Variants in LSM12 observed in about 807,000 individuals in gnomAD.
LSM12 encodes LSM12 homolog, also known as protein LSM12.
For synonymous variants in LSM12, 74 were observed against 87.3 expected, an observed-to-expected ratio of 0.85 and a Z score of 0.85; for missense variants, 108 against 238.9, an observed-to-expected ratio of 0.45 and a Z score of 3.61.
At chr17:44,064,018 C>T (rs2049834877) in intron 1 of LSM12, 84 bp from the exon 2 acceptor site, 1 of 1,489,362 alleles carries the variant, frequency 6.7e-7, no homozygotes, top group Non-Finnish European at 9.1e-7. Context: ...AAACACGATT[C>T]ACACAAGGCT....
chr17:44,061,209 C>G (rs1191236220), intron 2 of LSM12, among the ~76,000 whole-genome samples: 1 of 151,076 alleles, frequency 6.6e-6, no homozygotes, highest in African/African-American at 2.4e-5. Flanking sequence ...CCCAGCTACT[C>G]AGGAGGCTGA....
At chr17:44,044,920 A>G (rs2049541300) in intron 2 of LSM12, among the ~76,000 whole-genome samples, 3 of 152,236 alleles carry the variant, frequency 2.0e-5, no homozygotes, top group Admixed American at 1.3e-4. Flanking sequence ...TAGTAAGTTT[A>G]TGGTTTTTGC....
At chr17:44,041,884 G>A (rs747221074) in intron 2 of LSM12, among the ~76,000 whole-genome samples, 8 of 152,208 alleles carry the variant, frequency 5.3e-5, no homozygotes, top group Non-Finnish European at 8.8e-5. Flanking sequence ...ATAATCTGGA[G>A]ACTCTTCAGA....
intron 4 of LSM12, 183 bp downstream of exon 4, chr17:44,037,229 C>A: frequency 3.5e-6 from 2 of 579,478 alleles, no homozygotes; most frequent in Non-Finnish European, 5.5e-6. Context: ...TCCACACCAC[C>A]CAGTGGTTCC....
chr17:44,036,940 G>A (rs1171052886), intron 4 of LSM12: 1 of 153,882 alleles, frequency 6.5e-6, no homozygotes, highest in Non-Finnish European at 1.4e-5. Context: ...TGGCCAACAT[G>A]GTGAAACCCC....
Position 44,063,927 on chromosome 17 carries a change from G to C in LSM12, c.132C>G (p.Pro44=). The change falls in exon 2 of 5, where the codon CCC becomes CCG. Residue 44 remains proline (P), a synonymous_variant. Coordinates refer to ENST00000293406, the MANE Select transcript of LSM12 (RefSeq NM_001371445.1). ...YQSKMLALKC[P]SSSGKPNHAD... is the part of the protein sequence containing the mutation. Reference sequence around the variant, plus strand: ...CATGGTTGGGCTTTCCACTGGAAGAGGGACATTCTGGTGAGAAAAAAAAAA... The same window carrying C: ...CATGGTTGGGCTTTCCACTGGAAGACGGACATTCTGGTGAGAAAAAAAAAA... The C allele has an allele frequency of 6.2e-7, 1 of 1,612,722 alleles. No homozygotes were observed. Among genetic ancestry groups the C allele is most frequent in the East Asian group, 2.2e-5 (1 of 44,858 alleles).
At chr17:44,058,561 G>A (rs187621853) in intron 2 of LSM12, among the ~76,000 whole-genome samples, 105 of 151,716 alleles carry the variant, frequency 6.9e-4, no homozygotes, top group African/African-American at 2.2e-3. Flanking sequence ...GGCTGGGCGC[G>A]GTGGCTCACG....
At chr17:44,054,603 C>T (rs1024526867) in intron 2 of LSM12, among the ~76,000 whole-genome samples, 1 of 151,506 alleles carries the variant, frequency 6.6e-6, no homozygotes, top group Non-Finnish European at 1.5e-5. Context: ...ACCACACCCA[C>T]CAAGTCGGTG....
intron 1 of LSM12, among the ~76,000 whole-genome samples, chr17:44,064,822 C>A (rs1252977401): frequency 6.6e-6 from 1 of 152,058 alleles, no homozygotes; most frequent in Non-Finnish European, 1.5e-5. Flanking sequence ...CAGGTGTAAC[C>A]TCTTATTTTT....
intron 3 of LSM12, among the ~76,000 whole-genome samples, chr17:44,039,308 G>A (rs2144068059): frequency 6.6e-6 from 1 of 150,536 alleles, no homozygotes; most frequent in African/African-American, 2.4e-5. Flanking sequence ...GCCCACCTCG[G>A]CCTCCCAAAG....
At chr17:44,039,774 C>T (rs541919250) in intron 3 of LSM12, among the ~76,000 whole-genome samples, 2 of 152,202 alleles carry the variant, frequency 1.3e-5, no homozygotes, top group African/African-American at 2.4e-5. Flanking sequence ...ATAGATATAA[C>T]TTTCCCTTAA....
At chr17:44,066,674 G>A, upstream of LSM12, 3 of 1,259,472 alleles carry the variant, frequency 2.4e-6, no homozygotes, top group South Asian at 3.1e-5. Context: ...GCGACGGCGC[G>A]CACGGAGCGT....
At chr17:44,037,792 G>A (rs2049434390) in intron 3 of LSM12, among the ~76,000 whole-genome samples, 1 of 152,168 alleles carries the variant, frequency 6.6e-6, no homozygotes, top group African/African-American at 2.4e-5. Flanking sequence ...CAGAGATCTG[G>A]AGAGCCATAA....
At chr17:44,060,879 A>G (rs2049786560) in intron 2 of LSM12, among the ~76,000 whole-genome samples, 1 of 152,118 alleles carries the variant, frequency 6.6e-6, no homozygotes, top group African/African-American at 2.4e-5. Flanking sequence ...AAATGGTGGC[A>G]CTCATTGGTC....
intron 2 of LSM12, among the ~76,000 whole-genome samples, chr17:44,052,620 A>G (rs1030759677): frequency 1.3e-5 from 2 of 151,740 alleles, no homozygotes; most frequent in African/African-American, 4.8e-5. Flanking sequence ...TTAGCCGGGC[A>G]TGGTGGCGGG....
intron 3 of LSM12, among the ~76,000 whole-genome samples, chr17:44,039,222 T>C (rs143667945): frequency 0.014 from 2,183 of 151,918 alleles, 57 homozygotes; most frequent in African/African-American, 0.05. Context: ...GCCTGGCTAA[T>C]TTTGTATTTT....
At position 44,066,611 on chromosome 17, in the gene LSM12, C is replaced by G. The variant is rs760399103; in HGVS notation, c.-24G>C. On this transcript the variant is annotated 5_prime_UTR_variant, in exon 1 of 5. Coordinates refer to ENST00000293406, the MANE Select transcript of LSM12 (RefSeq NM_001371445.1). Reference sequence around the variant, plus strand: ...ATCTTGGGAGTGCAGCCGCGGCCGGCGGCGGCGGCGGCAGCAGCGGGCGAA... The same window carrying G: ...ATCTTGGGAGTGCAGCCGCGGCCGGGGGCGGCGGCGGCAGCAGCGGGCGAA... 2.0e-5 allele frequency: 26 copies of G among 1,324,490 alleles called. No homozygotes were observed. Among genetic ancestry groups the G allele is most frequent in the Non-Finnish European group, 2.5e-5 (26 of 1,033,564 alleles). The allele number at this position is 1,324,490 out of a possible 1,614,324, so 82.0% of individuals were successfully genotyped here.
At chr17:44,064,116 A>T (rs192460371) in intron 1 of LSM12, among the ~76,000 whole-genome samples, 182 bp from the exon 2 acceptor site, 146 of 152,274 alleles carry the variant, frequency 9.6e-4, no homozygotes, top group African/African-American at 3.2e-3. Flanking sequence ...CTCCTGCCCA[A>T]ATCCTTGGAA....
chr17:44,040,688 T>C (rs1013331585), intron 2 of LSM12, among the ~76,000 whole-genome samples: 8 of 151,936 alleles, frequency 5.3e-5, no homozygotes, highest in African/African-American at 7.3e-5. Context: ...AATATATACA[T>C]TTCCGGCCAG....
Sources: gnomAD v4.1 joint callset for allele counts (sites outside exome capture counted in the v4.1 genomes callset) on GRCh38, gnomAD v4.1.1 for gene constraint, MANE v1.5 for transcripts, NCBI Gene and HGNC (gene_info 2026-07-23, HGNC 2026-07-21) for gene names.